Variants in ELOVL6 observed in about 807,000 individuals in gnomAD.
The protein encoded by ELOVL6 is very long chain fatty acid elongase 6.
In ELOVL6, 8 loss-of-function variants were observed where a neutral mutation model predicts 31.7. The ratio of observed to expected loss-of-function variants is 0.25; its 90% CI spans 0.15 to 0.45. ELOVL6 has a LOEUF of 0.45. Among genes scored for constraint, ELOVL6 ranks in the 20% least tolerant of loss-of-function variants. ELOVL6 has a pLI of 1.00. For synonymous variants in ELOVL6, 101 were observed against 117.7 expected (o/e 0.86, Z 0.92); for missense variants, 126 against 326.4 (o/e 0.39, Z 4.73).
rs1491076007 is a variant in ELOVL6, at chr4:110,158,559, A to ATATATATATACATCTATATATATATG, written c.89+39662_89+39687dup. Among the ~76,000 whole-genome samples, 19 of 144,358 alleles carry ATATATATATACATCTATATATATATG rather than the reference A, an allele frequency of 1.3e-4. No homozygotes were observed. The South Asian group carries it at 1.4e-3, about 10-fold the overall frequency. The allele number at this position is 144,358 out of a possible 152,430, so 94.7% of individuals were successfully genotyped here. On this transcript the variant is annotated intron_variant, in intron 1 of 3. Transcript: ENST00000302274. The stretch of plus-strand genomic sequence containing the variant: ...TTGGCAGCCAAGATATTGGAGAGAG[A>ATATATATATACATCTATATATATATG]TATATATATACATCTATATATATAT...
At chr4:110,113,252 G>C (rs1757086902) in intron 1 of ELOVL6, among the ~76,000 whole-genome samples, 1 of 137,580 alleles carries the variant, frequency 7.3e-6, no homozygotes, top group South Asian at 2.3e-4. Context: ...AAAGAGGAAA[G>C]CTTGCCATCA....
chr4:110,053,516 G>T (rs1754890505), intron 3 of ELOVL6, among the ~76,000 whole-genome samples: 1 of 152,196 alleles, frequency 6.6e-6, no homozygotes, highest in Admixed American at 6.5e-5. Flanking sequence ...AATAGAAAAA[G>T]AAAGTTGGCC....
Position 110,078,995 on chromosome 4 carries a change from G to A in ELOVL6, c.222-19241C>T, listed in dbSNP as rs560143543. 3.2e-4 allele frequency among the ~76,000 whole-genome samples: 48 copies of A among 152,232 alleles called. 1 individual carries two copies. In the South Asian group the frequency reaches 9.4e-3, roughly 30 times the overall value. ...ACAAAGATCAAAAGAGACAAAGAAG[G>A]CCATTACATAATGGTAAAGGGATCA... On this transcript the variant is annotated intron_variant, in intron 2 of 3. Coordinates refer to ENST00000302274, the MANE Select transcript of ELOVL6 (RefSeq NM_024090.3).
At chr4:110,178,504 G>A (rs988802218) in intron 1 of ELOVL6, among the ~76,000 whole-genome samples, 2 of 151,434 alleles carry the variant, frequency 1.3e-5, no homozygotes, top group Admixed American at 1.3e-4. Flanking sequence ...ATGGAGCCAA[G>A]ATCGTGCCAC....
rs369518700 is a variant in ELOVL6 at position 110,114,012 on chromosome 4, A to G, written c.90-8384T>C. Among the ~76,000 whole-genome samples, 4 of 152,298 alleles carry G rather than the reference A, an allele frequency of 2.6e-5. No homozygotes were observed. In the South Asian group the frequency reaches 8.3e-4, roughly 32 times the overall value. On this transcript the variant is annotated intron_variant, in intron 1 of 3. Coordinates refer to ENST00000302274, the MANE Select transcript of ELOVL6 (RefSeq NM_024090.3). ...GCACCTGTAGTCCCAGCTACTCAGG[A>G]GGCTGAGGTGGGAGAAGCCCTTGAG...
At chr4:110,111,217 C>T (rs991772580) in intron 1 of ELOVL6, among the ~76,000 whole-genome samples, 4 of 152,058 alleles carry the variant, frequency 2.6e-5, no homozygotes, top group East Asian at 1.9e-4. Flanking sequence ...TGGTGCATTC[C>T]GTTTTTGTAT....
chr4:110,194,098 C>T (rs185890258), intron 1 of ELOVL6, among the ~76,000 whole-genome samples: 261 of 152,326 alleles, frequency 1.7e-3, no homozygotes, highest in Non-Finnish European at 2.0e-3. Flanking sequence ...CCCAGCTTCC[C>T]TTCTCACTCA....
chr4:110,053,081 G>A (rs1754877327), intron 3 of ELOVL6, among the ~76,000 whole-genome samples: 3 of 152,256 alleles, frequency 2.0e-5, no homozygotes, highest in South Asian at 2.1e-4. Flanking sequence ...CTGCAGGCAT[G>A]TGCCACCATG....
At chr4:110,170,116 A>G (rs1201785179) in intron 1 of ELOVL6, among the ~76,000 whole-genome samples, 3 of 152,084 alleles carry the variant, frequency 2.0e-5, no homozygotes, top group Non-Finnish European at 1.5e-5. Context: ...AGCCCAGCCT[A>G]TATTTTGTTT....
chr4:110,056,255 A>G lies in ELOVL6; in HGVS notation c.373+3348T>C, dbSNP rs1319275506. On this transcript the variant is annotated intron_variant, in intron 3 of 3. Transcript: ENST00000302274. ...AGGTAAAATTTGAGACCTAAAAATA[A>G]GAAAAGTTCTAAATAATCCAAACGG... 4.6e-5 allele frequency among the ~76,000 whole-genome samples: 7 copies of G among 152,194 alleles called. No homozygotes were observed. The East Asian group carries it at 1.3e-3, about 29-fold the overall frequency.
At chr4:110,084,200 G>GATATATATCATATAACTTATATGAT (rs1756073499) in intron 2 of ELOVL6, among the ~76,000 whole-genome samples, 1 of 66,288 alleles carries the variant, frequency 1.5e-5, no homozygotes, top group South Asian at 4.5e-4. Context: ...TAACTTATAT[G>GATATATATCATATAACTTATATGAT]ATATATATAA....
At chr4:110,154,948 T>A (rs866245377) in intron 1 of ELOVL6, among the ~76,000 whole-genome samples, 1 of 152,222 alleles carries the variant, frequency 6.6e-6, no homozygotes, top group African/African-American at 2.4e-5. Context: ...TTGACAGTTA[T>A]CAATCCTGTG....
chr4:110,086,454 G>A (rs1409849778), intron 2 of ELOVL6, among the ~76,000 whole-genome samples: 2 of 152,208 alleles, frequency 1.3e-5, no homozygotes, highest in Non-Finnish European at 2.9e-5. Context: ...AGAAATCACA[G>A]TTTCAAAGCT....
intron 1 of ELOVL6, among the ~76,000 whole-genome samples, chr4:110,158,655 ATATTTTTTT>A (rs1335503115): frequency 2.6e-5 from 2 of 76,186 alleles, no homozygotes; most frequent in East Asian, 6.4e-4. Flanking sequence ...ATATATATAT[ATATTTTTTT>A]TTTTTTTTTT....
At chr4:110,162,059 T>C (rs1279121708) in intron 1 of ELOVL6, among the ~76,000 whole-genome samples, 1 of 152,212 alleles carries the variant, frequency 6.6e-6, no homozygotes, top group Non-Finnish European at 1.5e-5. Flanking sequence ...TGTAGTCCTT[T>C]ATATAAAATA....
At position 110,084,555 on chromosome 4, in the gene ELOVL6, C is replaced by G. The variant is rs1449283407; in HGVS notation, c.221+20942G>C. Among the ~76,000 whole-genome samples the G allele has an allele frequency of 7.5e-3, 439 of 58,220 alleles. 18 individuals carry two copies. Among genetic ancestry groups the G allele is most frequent in the African/African-American group, 0.041 (402 of 9,738 alleles). 38.2% of individuals were successfully genotyped at this position (58,220 alleles called of 152,430 possible). A position where few individuals can be genotyped will look rare whatever the true frequency, so the allele number is the denominator to read the frequency against. ...TTACACACACACACACACACACACA[C>G]ACACACAGATATATATATATATATA... On this transcript the variant is annotated intron_variant, in intron 2 of 3. Transcript: ENST00000302274.
intron 1 of ELOVL6, among the ~76,000 whole-genome samples, chr4:110,140,356 C>T (rs1757919845): frequency 6.6e-6 from 1 of 152,128 alleles, no homozygotes; most frequent in African/African-American, 2.4e-5. Context: ...CTATCCCCTG[C>T]TCTGCTAAAA....
Position 110,057,395 on chromosome 4 carries a change from G to A in ELOVL6, c.373+2208C>T, listed in dbSNP as rs749248400. Among the ~76,000 whole-genome samples, 14 of 152,032 alleles carry A rather than the reference G, an allele frequency of 9.2e-5. 2 individuals are homozygous for A. The highest frequency in any genetic ancestry group is 1.9e-4 in the Non-Finnish European group (13 of 68,026). ...TTGAAGTGTTCAGGGGTAGCATTCA[G>A]GGGAAATCACGTTTCATGCATTTAC... On this transcript the variant is annotated intron_variant, in intron 3 of 3. Transcript: ENST00000302274.
At chr4:110,198,744 G>C (rs77213586), upstream of ELOVL6, 840 of 172,924 alleles carry the variant, frequency 4.9e-3, 6 homozygotes, top group African/African-American at 0.018. Flanking sequence ...GCCCGGGGGG[G>C]ACAGTTTTGT....
Sources: allele counts gnomAD v4.1 joint callset (sites outside exome capture counted in the v4.1 genomes callset), GRCh38; gene constraint gnomAD v4.1.1; transcripts MANE v1.5; gene names NCBI Gene and HGNC (gene_info 2026-07-23, HGNC 2026-07-21).